The following SFRP4 variants were observed in gnomAD, a reference collection of about 807,000 sequenced individuals.
The protein encoded by SFRP4 is secreted frizzled related protein 4, also known as secreted frizzled-related protein 4.
Under a neutral mutation model 36.3 loss-of-function variants are expected in SFRP4, and 25 were observed. That is an observed-to-expected ratio of 0.69 (90% CI 0.50 to 0.96). The LOEUF (loss-of-function observed/expected upper bound fraction) is 0.96. SFRP4 is among the 40% of genes least tolerant of loss of function. SFRP4 has a pLI of 0.00. For synonymous variants in SFRP4, 182 were observed against 168.8 expected (o/e 1.08, Z -0.60); for missense variants, 487 against 459.6 (o/e 1.06, Z -0.54).
At chr7:37,908,772 T>C (rs1055037461) in intron 5 of SFRP4, among the ~76,000 whole-genome samples, 6 of 152,332 alleles carry the variant, frequency 3.9e-5, no homozygotes, top group Non-Finnish European at 7.4e-5. Flanking sequence ...CATGAGTTTT[T>C]AGCTCTGATT....
rs995695065 is a variant in SFRP4, at chr7:37,907,192, T to C, written c.*287A>G. ...TAACAAGCATTATTTTCCCTACTCT[T>C]CTAGAGTATGCACACAGGTTACTCT... On this transcript the variant is annotated 3_prime_UTR_variant, in exon 6 of 6. Transcript: ENST00000436072. 20 of 275,800 alleles carry C rather than the reference T, an allele frequency of 7.3e-5. No individual in the cohort carries two copies. In the East Asian group the frequency reaches 1.4e-3, roughly 19 times the overall value. 17.1% of individuals were successfully genotyped at this position (275,800 alleles called of 1,614,324 possible).
chr7:37,914,009 G>A (rs1785534986), intron 3 of SFRP4, among the ~76,000 whole-genome samples: 1 of 152,178 alleles, frequency 6.6e-6, no homozygotes, highest in Admixed American at 6.5e-5. Context: ...TCCTTTGTTT[G>A]CACTTGATTC....
chr7:37,912,319 T>C lies in SFRP4; in HGVS notation c.593-2A>G. 6.2e-7 allele frequency: 1 copy of C among 1,612,106 alleles called. No individual in the cohort carries two copies. The highest frequency in any genetic ancestry group is 8.5e-7 in the Non-Finnish European group (1 of 1,178,256). ...CAGCTTTTATTTTGGCATGAATAAC[T>C]GCAATTTAAAAATAGATAAAAGTGT... On this transcript the variant is annotated splice_acceptor_variant, in intron 3 of 5. Transcript: ENST00000436072. LOFTEE classifies it high-confidence loss of function.
chr7:37,914,299 A>G (rs1437493194), intron 2 of SFRP4, 21 bp from the exon 3 acceptor site: 2 of 1,613,910 alleles, frequency 1.2e-6, no homozygotes, highest in Non-Finnish European at 1.7e-6. Flanking sequence ...CAGAAGAGGC[A>G]GAAAGTTGGA....
At chr7:37,909,708 AT>A in intron 4 of SFRP4, 28 bp from the exon 5 acceptor site, 1 of 1,341,860 alleles carries the variant, frequency 7.5e-7, no homozygotes, top group Non-Finnish European at 1.1e-6. Flanking sequence ...TAGTAAACAG[AT>A]TTTTATTACA....
chr7:37,909,143 C>A (rs1785441768), intron 5 of SFRP4, among the ~76,000 whole-genome samples: 1 of 152,092 alleles, frequency 6.6e-6, no homozygotes, highest in South Asian at 2.1e-4. Flanking sequence ...GATTTGACTG[C>A]AAAACGATTA....
At position 37,907,600 on chromosome 7, in the gene SFRP4, C is replaced by G. The variant is rs769681617; in HGVS notation, c.920G>C (p.Arg307Pro). The G allele has an allele frequency of 3.7e-6, 6 of 1,613,640 alleles. No homozygotes were observed. In the East Asian group the frequency reaches 1.1e-4, roughly 30 times the overall value. ...TVQDKKKTAG[R>P]TSRSNPPKPK... ...TTTGGGGGGATTACTACGACTGGTG[C>G]GCCCGGCTGTTTTCTTCTTGTCCTG... The change falls in exon 6 of 6, where the codon CGC (arginine) becomes CCC (proline). Residue 307 changes from arginine (R) to proline (P), a missense_variant. Physicochemically the swap from Arg to Pro is moderately radical, Grantham distance 103. Transcript: ENST00000436072.
intron 1 of SFRP4, among the ~76,000 whole-genome samples, chr7:37,915,387 G>T (rs2598112): frequency 6.6e-6 from 1 of 151,986 alleles, no homozygotes; most frequent in Non-Finnish European, 1.5e-5. Context: ...TTTAAATGTG[G>T]GGTAACCTGG....
In SFRP4 at chr7:37,916,807, G is replaced by C. The variant is rs1785590000; in HGVS notation, c.-270C>G. Reference sequence around the variant, plus strand: ...GCTCCAGTCCCGGACTCCGCAGCTCGGAGCGCAGCCAGCCACGGCCATTGC... The same window carrying C: ...GCTCCAGTCCCGGACTCCGCAGCTCCGAGCGCAGCCAGCCACGGCCATTGC... On this transcript the variant is annotated 5_prime_UTR_variant, in exon 1 of 6. Coordinates refer to ENST00000436072, the MANE Select transcript of SFRP4 (RefSeq NM_003014.4). The surrounding 1 kb of genome is among the most constrained non-coding windows in gnomAD (Gnocchi z 4.1). 6 of 541,858 alleles carry C rather than the reference G, an allele frequency of 1.1e-5. No homozygotes were observed. Among genetic ancestry groups the C allele is most frequent in the East Asian group, 3.1e-5 (1 of 32,218 alleles). The allele number at this position is 541,858 out of a possible 1,614,324, so 33.6% of individuals were successfully genotyped here.
In SFRP4 at chr7:37,911,897, T is replaced by C. The variant is rs558288761; in HGVS notation, c.791+222A>G. Among the ~76,000 whole-genome samples, 252 of 100,256 alleles carry C rather than the reference T, an allele frequency of 2.5e-3. 1 individual carries two copies. The highest frequency in any genetic ancestry group is 8.2e-3 in the African/African-American group (245 of 29,828). The allele number at this position is 100,256 out of a possible 152,430, so 65.8% of individuals were successfully genotyped here. A position where few individuals can be genotyped will look rare whatever the true frequency, so the allele number is the denominator to read the frequency against. On this transcript the variant is annotated intron_variant, in intron 4 of 5. Transcript: ENST00000436072. ...GTCACTTAATGAATTTTGAAACTGA[T>C]TTTTAAAGACTCTATTCAAATACTC...
At chr7:37,915,872 CT>C (rs11312178) in intron 1 of SFRP4, among the ~76,000 whole-genome samples, 73,410 of 150,114 alleles carry the variant, frequency 0.49, 18,626 homozygotes, top group East Asian at 0.64. Flanking sequence ...TAAGCAAAAT[CT>C]TTTTTTTTTT....
intron 3 of SFRP4, among the ~76,000 whole-genome samples, chr7:37,913,818 C>T (rs191402234): frequency 6.6e-6 from 1 of 152,332 alleles, no homozygotes; most frequent in South Asian, 2.1e-4. Flanking sequence ...CCTTAATTCT[C>T]TGACTCTCAG....
At chr7:37,910,877 T>A (rs1430662884) in intron 4 of SFRP4, among the ~76,000 whole-genome samples, 1 of 152,258 alleles carries the variant, frequency 6.6e-6, no homozygotes, top group Non-Finnish European at 1.5e-5. Flanking sequence ...CACATGGTTT[T>A]AACAAGTGTA....
At position 37,905,938 on chromosome 7, in the gene SFRP4, T is replaced by A. The variant is rs546822137; in HGVS notation, c.*1541A>T. 1 of 152,330 alleles carries A rather than the reference T, an allele frequency of 6.6e-6. No homozygotes were observed. Among genetic ancestry groups the A allele is most frequent in the Non-Finnish European group, 1.5e-5 (1 of 68,014 alleles). The allele number at this position is 152,330 out of a possible 1,614,324, so 9.4% of individuals were successfully genotyped here. ...TGAAGGATGTGCACAGATGTTTGAC[T>A]ATTGAGATGTTTATTCAGTATTGTC... On this transcript the variant is annotated 3_prime_UTR_variant, in exon 6 of 6. Coordinates refer to ENST00000436072, the MANE Select transcript of SFRP4 (RefSeq NM_003014.4).
chr7:37,906,553 T>C lies in SFRP4; in HGVS notation c.*926A>G, dbSNP rs935831107. ...ATATTTAAATGAAGAAAACAAAATT[T>C]GGCACTCACATGAAGGCCATTTTTA... On this transcript the variant is annotated 3_prime_UTR_variant, in exon 6 of 6. Coordinates refer to ENST00000436072, the MANE Select transcript of SFRP4 (RefSeq NM_003014.4). 2 of 152,228 alleles carry C rather than the reference T, an allele frequency of 1.3e-5. No individual in the cohort carries two copies. Among genetic ancestry groups the C allele is most frequent in the African/African-American group, 4.8e-5 (2 of 41,466 alleles). The allele number at this position is 152,228 out of a possible 1,614,324, so 9.4% of individuals were successfully genotyped here. A position where few individuals can be genotyped will look rare whatever the true frequency, so the allele number is the denominator to read the frequency against.
At chr7:37,910,127 A>G (rs2598114) in intron 4 of SFRP4, among the ~76,000 whole-genome samples, 63,301 of 151,840 alleles carry the variant, frequency 0.42, 13,483 homozygotes, top group East Asian at 0.55. Flanking sequence ...TTTTTAAAAT[A>G]GAATAACTGA....
rs1165246037 is a variant in SFRP4, at chr7:37,906,644, G to T, written c.*835C>A. On this transcript the variant is annotated 3_prime_UTR_variant, in exon 6 of 6. Transcript: ENST00000436072. Reference sequence around the variant, plus strand: ...AAGATGAGTGACATACCTCTCTTGTGGGTATAAAATACTTGAGCATTAGCC... The same window carrying T: ...AAGATGAGTGACATACCTCTCTTGTTGGTATAAAATACTTGAGCATTAGCC... 6.6e-6 allele frequency: 1 copy of T among 152,030 alleles called. No individual in the cohort carries two copies. The highest frequency in any genetic ancestry group is 1.5e-5 in the Non-Finnish European group (1 of 67,990). The allele number at this position is 152,030 out of a possible 1,614,324, so 9.4% of individuals were successfully genotyped here.
intron 4 of SFRP4, 79 bp from the exon 5 acceptor site, chr7:37,909,759 A>T (rs1272301027): frequency 1.2e-6 from 1 of 802,466 alleles, no homozygotes; most frequent in African/African-American, 1.7e-5. Flanking sequence ...TAAAAAAATT[A>T]TTCAATAATC....
chr7:37,915,812 A>G (rs1371553400), intron 1 of SFRP4, among the ~76,000 whole-genome samples: 1 of 152,228 alleles, frequency 6.6e-6, no homozygotes, highest in Admixed American at 6.5e-5. Context: ...TACTGCTATT[A>G]TCATTTCTGT....
Sources: allele counts gnomAD v4.1 joint callset (sites outside exome capture counted in the v4.1 genomes callset), GRCh38; gene constraint gnomAD v4.1.1; non-coding constraint Gnocchi (gnomAD v3.1); transcripts MANE v1.5; gene names NCBI Gene and HGNC (gene_info 2026-07-23, HGNC 2026-07-21).